Variants in CPEB4 observed in about 807,000 individuals in gnomAD.
The protein encoded by CPEB4 is cytoplasmic polyadenylation element-binding protein 4.
A neutral mutation model predicts 72.5 loss-of-function variants in CPEB4; 12 were observed. The observed-to-expected ratio is 0.17, with a 90% CI of 0.11 to 0.27. The LOEUF (loss-of-function observed/expected upper bound fraction) is 0.27. CPEB4 is among the 10% of genes least tolerant of loss of function. CPEB4 has a pLI of 1.00. For synonymous variants in CPEB4, 302 were observed against 326.3 expected (o/e 0.93, Z 0.80); for missense variants, 614 against 908.5 (o/e 0.68, Z 4.17).
chr5:173,911,397 G>A (rs147314198), intron 2 of CPEB4, among the ~76,000 whole-genome samples: 2,115 of 152,038 alleles, frequency 0.014, 54 homozygotes, highest in African/African-American at 0.047. Flanking sequence ...CGAGTAGCTG[G>A]GACTACAGGC....
intron 1 of CPEB4, among the ~76,000 whole-genome samples, chr5:173,904,998 TAATAATAATAATAATAATAAA>T (rs1243071154): frequency 7.9e-4 from 94 of 118,738 alleles, no homozygotes; most frequent in Admixed American, 1.8e-3. Context: ...ATAATAATAA[TAATAATAATAATAATAATAAA>T]AAAATGTAAC....
rs1396201540 is a variant in CPEB4, at chr5:173,958,206, C to A, written c.*2069C>A. The A allele has an allele frequency of 2.0e-5, 3 of 152,706 alleles. No individual in the cohort carries two copies. The Admixed American group carries it at 2.0e-4, about 10-fold the overall frequency. The allele number at this position is 152,706 out of a possible 1,614,324, so 9.5% of individuals were successfully genotyped here. The stretch of plus-strand genomic sequence containing the variant: ...AATTTTTCCCTTTGTACATGACCTG[C>A]TGAATTTCGGTACAGTGTTTTTGTA... On this transcript the variant is annotated 3_prime_UTR_variant, in exon 10 of 10. Coordinates refer to ENST00000265085, the MANE Select transcript of CPEB4 (RefSeq NM_030627.4).
chr5:173,948,303 A>G (rs1001433981), intron 5 of CPEB4, among the ~76,000 whole-genome samples: 1 of 152,206 alleles, frequency 6.6e-6, no homozygotes, highest in African/African-American at 2.4e-5. Flanking sequence ...GCAACACAAT[A>G]TACTCTTGTA....
chr5:173,906,870 A>AAATCTTT (rs1174213473), intron 1 of CPEB4, among the ~76,000 whole-genome samples: 4 of 152,222 alleles, frequency 2.6e-5, no homozygotes, highest in African/African-American at 7.2e-5. Flanking sequence ...AAGTCAGCAA[A>AAATCTTT]AATCTTTATG....
intron 1 of CPEB4, chr5:173,892,921 T>C (rs1475227721): frequency 1.3e-5 from 2 of 152,140 alleles, no homozygotes; most frequent in East Asian, 3.8e-4. Flanking sequence ...GGATGGTCAG[T>C]GTACCTGACT....
intron 2 of CPEB4, among the ~76,000 whole-genome samples, chr5:173,920,560 AAGG>A (rs1366448225): frequency 1.3e-5 from 2 of 152,196 alleles, no homozygotes; most frequent in Non-Finnish European, 2.9e-5. Context: ...TACGAAATAA[AAGG>A]AGAAGTGTTC....
intron 2 of CPEB4, among the ~76,000 whole-genome samples, chr5:173,911,388 G>A (rs1052972662): frequency 5.9e-5 from 9 of 151,488 alleles, no homozygotes; most frequent in African/African-American, 1.2e-4. Context: ...TCAGCCTCCC[G>A]AGTAGCTGGG....
intron 2 of CPEB4, among the ~76,000 whole-genome samples, chr5:173,912,044 G>T (rs1756684617): frequency 6.6e-6 from 1 of 152,110 alleles, no homozygotes; most frequent in African/African-American, 2.4e-5. Context: ...GTAAAAAATA[G>T]GCATCCATCT....
intron 3 of CPEB4, among the ~76,000 whole-genome samples, chr5:173,935,611 C>T (rs1757593031): frequency 6.6e-6 from 1 of 152,130 alleles, no homozygotes; most frequent in East Asian, 1.9e-4. Context: ...TGTTTATTCT[C>T]TTTCTCACAT....
At chr5:173,935,157 A>G (rs557395854) in intron 3 of CPEB4, among the ~76,000 whole-genome samples, 8 of 152,326 alleles carry the variant, frequency 5.3e-5, no homozygotes, top group African/African-American at 1.9e-4. Context: ...TTGGTTAGGA[A>G]TTAATCTCAT....
chr5:173,893,174 G>A (rs1401185279), intron 1 of CPEB4: 1 of 152,114 alleles, frequency 6.6e-6, no homozygotes, highest in East Asian at 1.9e-4. Context: ...TTTTGAAAAA[G>A]TCTAAAGAAG....
In CPEB4 at chr5:173,890,437, A is replaced by C. The variant is rs763122441; in HGVS notation, c.704A>C (p.His235Pro). ...GGGCCTCTCTCACAGCACCACCCAC[A>C]TCACCCTCATTTCCAGCATCATCAC... is the stretch of plus-strand genomic sequence containing the variant. ...QIGPLSQHHP[H>P]HPHFQHHHSQ... The change falls in exon 1 of 10, where the codon CAT becomes CCT. Residue 235 changes from histidine (H) to proline (P), a missense_variant. Physicochemically the swap from His to Pro is moderately conservative, Grantham distance 77. Transcript: ENST00000265085. 2.5e-6 allele frequency: 4 copies of C among 1,612,936 alleles called. No homozygotes were observed.
At position 173,890,134 on chromosome 5, in the gene CPEB4, G is replaced by A. The variant is rs139234513; in HGVS notation, c.401G>A (p.Arg134Lys). Residue 134 changes from arginine to lysine, a missense_variant, in exon 1 of 10, where the codon AGG (arginine) becomes AAG (lysine). Coordinates refer to ENST00000265085, the MANE Select transcript of CPEB4 (RefSeq NM_030627.4). ...AATGGCAATGGGAAGGAGAAAATAA[G>A]GATCGAATCTCCAGTGTTGACAGGG... ...SENGNGKEKI[R>K]IESPVLTGFD... 498 of 1,614,020 alleles carry A rather than the reference G, an allele frequency of 3.1e-4. No individual in the cohort carries two copies. Among genetic ancestry groups the A allele is most frequent in the Non-Finnish European group, 3.9e-4 (463 of 1,180,036 alleles).
chr5:173,931,385 C>T (rs1757441862), intron 2 of CPEB4, among the ~76,000 whole-genome samples: 1 of 152,166 alleles, frequency 6.6e-6, no homozygotes, highest in African/African-American at 2.4e-5. Context: ...AGAGTTCAGA[C>T]TGCTGTTTCC....
intron 1 of CPEB4, among the ~76,000 whole-genome samples, chr5:173,896,087 T>A (rs1353783019): frequency 6.6e-6 from 1 of 152,246 alleles, no homozygotes; most frequent in Admixed American, 6.5e-5. Context: ...TTTGACAGTT[T>A]CAGTTTATTT....
intron 1 of CPEB4, among the ~76,000 whole-genome samples, chr5:173,895,791 T>C (rs2113126576): frequency 6.6e-6 from 1 of 152,360 alleles, no homozygotes; most frequent in East Asian, 1.9e-4. Flanking sequence ...ATAGCTTTTC[T>C]GATGAAATTA....
At chr5:173,932,368 A>G (rs1757476928) in intron 2 of CPEB4, 82 bp from the exon 3 acceptor site, 1 of 1,026,460 alleles carries the variant, frequency 9.7e-7, no homozygotes, top group Non-Finnish European at 1.5e-6. Flanking sequence ...TTTGAAAGCA[A>G]GTCAATTCAG....
intron 3 of CPEB4, among the ~76,000 whole-genome samples, chr5:173,939,753 CTT>C (rs11292869): frequency 5.2e-4 from 76 of 144,820 alleles, no homozygotes; most frequent in African/African-American, 8.8e-4. Flanking sequence ...TATTTTGAGC[CTT>C]TTTTTTTTTT....
Position 173,890,411 on chromosome 5 carries a change from C to G in CPEB4, c.678C>G (p.Ile226Met). The change falls in exon 1 of 10, where the codon ATC (isoleucine) becomes ATG (methionine). Residue 226 changes from isoleucine to methionine, a missense_variant. Ile to Met is a conservative substitution (Grantham distance 10). This residue lies in a region of CPEB4 where 458 missense variants were observed against 548.6 expected (regional missense o/e 0.83). Coordinates refer to ENST00000265085, the MANE Select transcript of CPEB4 (RefSeq NM_030627.4). Reference protein sequence around the residue: ...PGFGGSFSPQIGPLSQHHPHH... With the variant: ...PGFGGSFSPQMGPLSQHHPHH... ...TTGGAGGCAGCTTCTCTCCTCAGAT[C>G]GGGCCTCTCTCACAGCACCACCCAC... is the stretch of plus-strand genomic sequence containing the variant. 5 of 1,613,898 alleles carry G rather than the reference C, an allele frequency of 3.1e-6. No individual in the cohort carries two copies. Among genetic ancestry groups the G allele is most frequent in the Non-Finnish European group, 4.2e-6 (5 of 1,179,898 alleles).
Sources: allele counts gnomAD v4.1 joint callset (sites outside exome capture counted in the v4.1 genomes callset), GRCh38; gene constraint gnomAD v4.1.1; regional missense constraint gnomAD v4.1.1; transcripts MANE v1.5; gene names NCBI Gene and HGNC (gene_info 2026-07-23, HGNC 2026-07-21).